Variants in KMT2C observed in about 807,000 individuals in gnomAD.
KMT2C encodes histone-lysine N-methyltransferase 2C.
A neutral mutation model predicts 507.9 loss-of-function variants in KMT2C; 88 were observed. That is an observed-to-expected ratio of 0.17 (90% CI 0.15 to 0.21). The LOEUF is 0.21. Ranked by LOEUF, KMT2C falls within the 10% of genes least tolerant of loss-of-function variation. KMT2C has a pLI of 1.00. For missense variants in KMT2C, 4,954 were observed against 5,957.8 expected (o/e 0.83, Z 5.55); for synonymous variants, 2,049 against 2,080.8 (o/e 0.98, Z 0.42).
chr7:152,318,870 T>C (rs547457557), intron 3 of KMT2C, among the ~76,000 whole-genome samples: 2 of 152,268 alleles, frequency 1.3e-5, no homozygotes, highest in South Asian at 4.1e-4. Flanking sequence ...AATAGTATAA[T>C]AGATATCGAT....
rs781710521 is a variant in KMT2C at position 152,167,133 on chromosome 7, A to C, written c.9750+13T>G. On this transcript the variant is annotated intron_variant, in intron 42 of 58. Coordinates refer to ENST00000262189, the MANE Select transcript of KMT2C (RefSeq NM_170606.3). ...ATTGTTGGTAGTTTCTATTTTGCAA[A>C]CCTATTTATTACCTGTTCTAGCTGT... The C allele has an allele frequency of 1.2e-6, 2 of 1,601,184 alleles. No individual in the cohort carries two copies. The highest frequency in any genetic ancestry group is 1.7e-6 in the Non-Finnish European group (2 of 1,169,218).
intron 3 of KMT2C, among the ~76,000 whole-genome samples, chr7:152,321,080 A>G (rs1412856238): frequency 6.6e-6 from 1 of 151,910 alleles, no homozygotes; most frequent in East Asian, 1.9e-4. Context: ...CTAAAAATAC[A>G]AAAGTTAGCT....
rs746492799 is a variant in KMT2C at position 152,435,848 on chromosome 7, GGCC to G, written c.-65_-63del. On this transcript the variant is annotated 5_prime_UTR_variant, in exon 1 of 59. Coordinates refer to ENST00000262189, the MANE Select transcript of KMT2C (RefSeq NM_170606.3). ...CCTCCTGGGGGGCTCCCGCCGCCGC[GGCC>G]GCCGCCGCCGCCGCTGCTGCTCGGG... The G allele has an allele frequency of 3.1e-4, 414 of 1,356,126 alleles. No homozygotes were observed. Among genetic ancestry groups the G allele is most frequent in the East Asian group, 6.7e-4 (21 of 31,378 alleles). The allele number at this position is 1,356,126 out of a possible 1,614,324, so 84.0% of individuals were successfully genotyped here.
chr7:152,274,338 G>C (rs1217265651), intron 6 of KMT2C, among the ~76,000 whole-genome samples: 2 of 151,674 alleles, frequency 1.3e-5, no homozygotes, highest in African/African-American at 4.8e-5. Flanking sequence ...AAGTTAACAG[G>C]GACACAAATG....
At position 152,144,957 on chromosome 7, in the gene KMT2C, G is replaced by A. The variant is rs2129093040; in HGVS notation, c.14175-76C>T. The A allele has an allele frequency of 1.4e-6, 2 of 1,459,556 alleles. No homozygotes were observed. Among genetic ancestry groups the A allele is most frequent in the Non-Finnish European group, 9.2e-7 (1 of 1,082,072 alleles). The allele number at this position is 1,459,556 out of a possible 1,614,324, so 90.4% of individuals were successfully genotyped here. On this transcript the variant is annotated intron_variant, in intron 54 of 58. Coordinates refer to ENST00000262189, the MANE Select transcript of KMT2C (RefSeq NM_170606.3). This position sits in a 1 kb window ranked among gnomAD's most constrained non-coding sequence, Gnocchi z 4.4. ...TACCTCTGAGTAATGCCCAAAACCA[G>A]GTTAATTCAGATTCTTACTGACAGA... is the stretch of plus-strand genomic sequence containing the variant.
At chr7:152,352,892 C>T (rs1478744119) in intron 2 of KMT2C, among the ~76,000 whole-genome samples, 1 of 152,120 alleles carries the variant, frequency 6.6e-6, no homozygotes, top group Non-Finnish European at 1.5e-5. Flanking sequence ...TGACAAGGGG[C>T]TCCCATGAGC....
chr7:152,210,669 GACAGAGACCTGAGAACAT>G (rs1563408514), intron 23 of KMT2C, among the ~76,000 whole-genome samples: 2 of 151,768 alleles, frequency 1.3e-5, no homozygotes, highest in Non-Finnish European at 2.9e-5. Context: ...TAACATGAAA[GACAGAGACCTGAGAACAT>G]AAAAGACAAT....
At chr7:152,423,166 C>G (rs1166027275) in intron 1 of KMT2C, among the ~76,000 whole-genome samples, 1 of 152,060 alleles carries the variant, frequency 6.6e-6, no homozygotes, top group Non-Finnish European at 1.5e-5. Context: ...ATGGTGAAAC[C>G]CTGTCTCTAC....
intron 10 of KMT2C, 34 bp from the exon 11 acceptor site, chr7:152,252,124 T>A: frequency 6.7e-7 from 1 of 1,494,070 alleles, no homozygotes; most frequent in Non-Finnish European, 9.1e-7. Flanking sequence ...TAAAAATTTC[T>A]AACATCGAGT....
At chr7:152,295,996 A>T (rs1394916071) in intron 6 of KMT2C, among the ~76,000 whole-genome samples, 1 of 147,994 alleles carries the variant, frequency 6.8e-6, no homozygotes, top group Non-Finnish European at 1.5e-5. Flanking sequence ...TGAACCCAGG[A>T]GACAGAGCTG....
rs116118690 is a variant in KMT2C, at chr7:152,375,041, A to G, written c.162-16366T>C. Among the ~76,000 whole-genome samples, 1,178 of 152,238 alleles carry G rather than the reference A, an allele frequency of 7.7e-3. 18 individuals carry two copies. The highest frequency in any genetic ancestry group is 0.027 in the African/African-American group (1,137 of 41,546). ...CTCATTTTATTTCACGTCACAGATA[A>G]TAAGTTGTTTGTTTGTTTGGGGACA... On this transcript the variant is annotated intron_variant, in intron 1 of 58. Transcript: ENST00000262189.
chr7:152,162,934 G>A lies in KMT2C; in HGVS notation c.10643C>T (p.Pro3548Leu), dbSNP rs2092535185. 1 of 1,614,024 alleles carries A rather than the reference G, an allele frequency of 6.2e-7. No homozygotes were observed. Among genetic ancestry groups the A allele is most frequent in the African/African-American group, 1.3e-5 (1 of 74,894 alleles). The part of the protein sequence containing the change: ...NLSGTSFQQS[P>L]VRPSFTPALP... Reference sequence around the variant, plus strand: ...AGCAGGTGTAAAAGAAGGCCTCACTGGGGACTGCTGGAAGCTGGTCCCAGA... The same window carrying A: ...AGCAGGTGTAAAAGAAGGCCTCACTAGGGACTGCTGGAAGCTGGTCCCAGA... The change falls in exon 43 of 59, where the codon CCA (proline) becomes CTA (leucine). Residue 3548 changes from proline (P) to leucine (L), a missense_variant. This residue lies in a region of KMT2C where 801 missense variants were observed against 751.2 expected (regional missense o/e 1.07). Transcript: ENST00000262189.
intron 54 of KMT2C, 84 bp downstream of exon 54, chr7:152,145,069 T>C: frequency 2.0e-6 from 3 of 1,521,794 alleles, no homozygotes; most frequent in Non-Finnish European, 2.7e-6. Context: ...GCAGGGTTTG[T>C]AAGCAGCAGA....
intron 25 of KMT2C, 63 bp downstream of exon 25, chr7:152,205,043 T>A (rs1236014066): frequency 9.5e-7 from 1 of 1,049,958 alleles, no homozygotes; most frequent in Non-Finnish European, 1.4e-6. Flanking sequence ...TTTTTTCCAA[T>A]AGAAATATCA....
At chr7:152,239,999 G>A (rs199813817) in intron 14 of KMT2C, among the ~76,000 whole-genome samples, 1 of 152,346 alleles carries the variant, frequency 6.6e-6, no homozygotes, top group East Asian at 1.9e-4. Flanking sequence ...ACAAGCAATA[G>A]ACTGGTTTCA....
rs2129119179 is a variant in KMT2C, at chr7:152,180,817, T to C, written c.7043A>G (p.Gln2348Arg). Residue 2348 changes from glutamine to arginine, a missense_variant, in exon 36 of 59, where the codon CAG (glutamine) becomes CGG (arginine). Transcript: ENST00000262189. ...AGGAAGTTGGGAGACACCAGAGAAC[T>C]GCTGGCCTTGGGAGTGCATTGGAGA... ...SNSPMHSQGQ[Q>R]FSGVSQLPGP... is the part of the protein sequence containing the mutation. 6.2e-7 allele frequency: 1 copy of C among 1,614,206 alleles called. No homozygotes were observed. The highest frequency in any genetic ancestry group is 8.5e-7 in the Non-Finnish European group (1 of 1,180,018).
chr7:152,314,390 T>C (rs1206798153), intron 4 of KMT2C, among the ~76,000 whole-genome samples: 2 of 152,144 alleles, frequency 1.3e-5, no homozygotes, highest in Non-Finnish European at 2.9e-5. Context: ...AAACTTCTAC[T>C]CCCTTAACCA....
intron 56 of KMT2C, 108 bp from the exon 57 acceptor site, chr7:152,139,367 G>A: frequency 1.0e-6 from 1 of 953,186 alleles, no homozygotes; most frequent in Non-Finnish European, 1.7e-6. Flanking sequence ...ACGGCAGCCT[G>A]ATCATCCTTA....
chr7:152,156,008 C>T lies in KMT2C; in HGVS notation c.11862G>A (p.Gln3954=). ...CAAGAGCTCGGGCCAACAAGTCGTCCTGGGGTCTGAAGGGCAGCTGAAATG... is the reference window on the plus strand; with the variant it reads ...CAAGAGCTCGGGCCAACAAGTCGTCTTGGGGTCTGAAGGGCAGCTGAAATG... ...PKPFQLPFRP[Q]DDLLARALAQ... The change falls in exon 46 of 59, where the codon CAG becomes CAA. Residue 3954 remains glutamine (Q), a synonymous_variant. Coordinates refer to ENST00000262189, the MANE Select transcript of KMT2C (RefSeq NM_170606.3). 1 of 1,608,032 alleles carries T rather than the reference C, an allele frequency of 6.2e-7. No individual in the cohort carries two copies. The highest frequency in any genetic ancestry group is 8.5e-7 in the Non-Finnish European group (1 of 1,178,700).
Sources: allele counts gnomAD v4.1 joint callset (sites outside exome capture counted in the v4.1 genomes callset), GRCh38; gene constraint gnomAD v4.1.1; regional missense constraint gnomAD v4.1.1; non-coding constraint Gnocchi (gnomAD v3.1); transcripts MANE v1.5; gene names NCBI Gene and HGNC (gene_info 2026-07-23, HGNC 2026-07-21).